Variants in ANKRD27 observed in about 807,000 individuals in gnomAD.
ANKRD27 encodes ankyrin repeat domain 27.
Under a neutral mutation model 129.7 loss-of-function variants are expected in ANKRD27, and 112 were observed. The ratio of observed to expected loss-of-function variants is 0.86; its 90% CI spans 0.74 to 1.01. The LOEUF is 1.01. ANKRD27 is among the 50% of genes least tolerant of loss of function. ANKRD27 has a pLI of 0.00. For synonymous variants in ANKRD27, 516 were observed against 511.2 expected, an observed-to-expected ratio of 1.01 and a Z score of -0.13; for missense variants, 1,258 against 1,300.5, an observed-to-expected ratio of 0.97 and a Z score of 0.50.
intron 12 of ANKRD27, chr19:32,638,719 T>A (rs532670209): frequency 6.5e-6 from 1 of 152,754 alleles, no homozygotes; most frequent in South Asian, 2.1e-4. Flanking sequence ...ACAGTACGCC[T>A]GCTCTAGCTG....
At chr19:32,633,953 C>T (rs1045669496) in intron 12 of ANKRD27, among the ~76,000 whole-genome samples, 3 of 151,958 alleles carry the variant, frequency 2.0e-5, no homozygotes, top group African/African-American at 7.3e-5. Flanking sequence ...TCCCTTTGAG[C>T]GCAGGAGTTG....
At chr19:32,658,844 T>C (rs573959944) in intron 2 of ANKRD27, 70 bp downstream of exon 2, 2 of 1,277,906 alleles carry the variant, frequency 1.6e-6, no homozygotes, top group African/African-American at 1.5e-5. Flanking sequence ...CCCTCCAAAC[T>C]GAGCCTTAGT....
chr19:32,610,003 CCT>C (rs1971810194), intron 22 of ANKRD27, among the ~76,000 whole-genome samples: 1 of 151,312 alleles, frequency 6.6e-6, no homozygotes, highest in South Asian at 2.1e-4. Flanking sequence ...CAGCCAAGAC[CCT>C]GTCTCTACAA....
chr19:32,656,699 T>C (rs1236422793), intron 2 of ANKRD27, among the ~76,000 whole-genome samples: 1 of 151,680 alleles, frequency 6.6e-6, no homozygotes, highest in Non-Finnish European at 1.5e-5. Flanking sequence ...GCAGAAGGAC[T>C]GCTTGAGTCT....
intron 1 of ANKRD27, among the ~76,000 whole-genome samples, chr19:32,664,617 AAATAATAAT>A (rs3042684): frequency 0.057 from 7,262 of 128,260 alleles, 469 homozygotes; most frequent in East Asian, 0.24. Context: ...CTCCATCCCC[AAATAATAAT>A]AATAATAATA....
At chr19:32,604,002 T>TG (rs754156736) in intron 25 of ANKRD27, among the ~76,000 whole-genome samples, 142 of 151,192 alleles carry the variant, frequency 9.4e-4, no homozygotes, top group African/African-American at 3.4e-3. Flanking sequence ...TACTGCTAGC[T>TG]GAGGGGGGGG....
intron 13 of ANKRD27, among the ~76,000 whole-genome samples, chr19:32,631,022 A>AT (rs912657424): frequency 5.5e-4 from 81 of 147,598 alleles, no homozygotes; most frequent in Non-Finnish European, 9.3e-4. Flanking sequence ...CACCCTGATC[A>AT]TTTTTTTTTT....
chr19:32,609,803 T>C (rs1971807002), intron 22 of ANKRD27, among the ~76,000 whole-genome samples: 1 of 149,998 alleles, frequency 6.7e-6, no homozygotes, highest in South Asian at 2.1e-4. Flanking sequence ...TAAATACATA[T>C]GCTTTATGTA....
At chr19:32,607,191 A>G (rs1466314198) in intron 23 of ANKRD27, among the ~76,000 whole-genome samples, 5 of 151,624 alleles carry the variant, frequency 3.3e-5, no homozygotes, top group Non-Finnish European at 5.9e-5. Context: ...GCACTTTCAA[A>G]AAGTTAATCA....
At chr19:32,658,254 T>C (rs2145317674) in intron 2 of ANKRD27, among the ~76,000 whole-genome samples, 2 of 152,134 alleles carry the variant, frequency 1.3e-5, no homozygotes, top group African/African-American at 4.8e-5. Flanking sequence ...CCCAGTGCCG[T>C]CTAAGTAGGA....
intron 28 of ANKRD27, 149 bp from the exon 29 acceptor site, chr19:32,598,527 G>T: frequency 1.4e-6 from 1 of 696,650 alleles, no homozygotes; most frequent in Non-Finnish European, 2.5e-6. Flanking sequence ...TCCCTGTCGT[G>T]GTAACATGGC....
At chr19:32,639,112 G>A (rs941824691) in intron 12 of ANKRD27, 1 of 519,046 alleles carries the variant, frequency 1.9e-6, no homozygotes, top group Non-Finnish European at 3.4e-6. Flanking sequence ...GGAGAGGATG[G>A]GGACTAATGA....
intron 1 of ANKRD27, among the ~76,000 whole-genome samples, chr19:32,665,507 T>G (rs559055423): frequency 6.6e-6 from 1 of 152,012 alleles, no homozygotes; most frequent in South Asian, 2.1e-4. Flanking sequence ...TCACCCAGGC[T>G]GGAGTACAGT....
Position 32,601,998 on chromosome 19 carries a change from A to G in ANKRD27, c.2767+17T>C, listed in dbSNP as rs1364866283. Reference sequence around the variant, plus strand: ...TATACCCAACTTGAGCGTGACAGAAAGAACGTAAACTCTTACATTTTTTCC... The same window carrying G: ...TATACCCAACTTGAGCGTGACAGAAGGAACGTAAACTCTTACATTTTTTCC... On this transcript the variant is annotated intron_variant, in intron 26 of 28. Transcript: ENST00000306065. The G allele has an allele frequency of 6.5e-7, 1 of 1,541,024 alleles. No homozygotes were observed. The highest frequency in any genetic ancestry group is 1.7e-5 in the Admixed American group (1 of 57,788).
At position 32,650,755 on chromosome 19, in the gene ANKRD27, T is replaced by TTA. The variant is rs1398184836; in HGVS notation, c.103-964_103-963insTA. Among the ~76,000 whole-genome samples, 100 of 140,846 alleles carry TTA rather than the reference T, an allele frequency of 7.1e-4. 1 individual carries two copies. The East Asian group carries it at 0.01, about 14-fold the overall frequency. 92.4% of individuals were successfully genotyped at this position (140,846 alleles called of 152,430 possible). A position where few individuals can be genotyped will look rare whatever the true frequency, so the allele number is the denominator to read the frequency against. ...ATTCTTTTCTTTACGCTTTTATTTA[T>TTA]TTTTTTTTTTTGGAGACAGTGTCTT... On this transcript the variant is annotated intron_variant, in intron 2 of 28. Transcript: ENST00000306065.
intron 21 of ANKRD27, among the ~76,000 whole-genome samples, 176 bp downstream of exon 21, chr19:32,617,413 C>T (rs563778523): frequency 6.6e-6 from 1 of 152,096 alleles, no homozygotes; most frequent in African/African-American, 2.4e-5. Flanking sequence ...CAGGCATGGC[C>T]GCGCACAACT....
At position 32,597,809 on chromosome 19, in the gene ANKRD27, G is replaced by A. The variant is rs916610183; in HGVS notation, c.*336C>T. ...AGAGGTTTAGCACCTTTTGGGAGGAGGAGGTCAGAATGCGGTGGTGAAACC... is the reference window on the plus strand; with the variant it reads ...AGAGGTTTAGCACCTTTTGGGAGGAAGAGGTCAGAATGCGGTGGTGAAACC... On this transcript the variant is annotated 3_prime_UTR_variant, in exon 29 of 29. Coordinates refer to ENST00000306065, the MANE Select transcript of ANKRD27 (RefSeq NM_032139.3). 1.1e-5 allele frequency: 4 copies of A among 348,966 alleles called. No individual in the cohort carries two copies. Among genetic ancestry groups the A allele is most frequent in the Non-Finnish European group, 2.2e-5 (4 of 183,768 alleles). The allele number at this position is 348,966 out of a possible 1,614,324, so 21.6% of individuals were successfully genotyped here.
rs372495426 is a variant in ANKRD27, at chr19:32,639,348, G to C, written c.1116+8C>G. 8 of 1,614,164 alleles carry C rather than the reference G, an allele frequency of 5.0e-6. No individual in the cohort carries two copies. The highest frequency in any genetic ancestry group is 6.8e-6 in the Non-Finnish European group (8 of 1,180,020). On this transcript the variant is annotated splice_region_variant and intron_variant, in intron 12 of 28. Transcript: ENST00000306065. ...CAAAGGAAGGCCAGGGCAGGGGTGAGATCTTACAGGGGGTTTAGCAGAGAG... is the reference window on the plus strand; with the variant it reads ...CAAAGGAAGGCCAGGGCAGGGGTGACATCTTACAGGGGGTTTAGCAGAGAG...
intron 2 of ANKRD27, among the ~76,000 whole-genome samples, chr19:32,658,688 G>A (rs1967589811): frequency 6.6e-6 from 1 of 152,182 alleles, no homozygotes; most frequent in African/African-American, 2.4e-5. Flanking sequence ...CCACAGGCGG[G>A]GGCCAGGAGT....
Sources: gnomAD v4.1 joint callset for allele counts (sites outside exome capture counted in the v4.1 genomes callset) on GRCh38, gnomAD v4.1.1 for gene constraint, MANE v1.5 for transcripts, NCBI Gene and HGNC (gene_info 2026-07-23, HGNC 2026-07-21) for gene names.